The following KCNIP1 variants were observed in gnomAD, a reference collection of about 807,000 sequenced individuals.
KCNIP1 encodes A-type potassium channel modulatory protein KCNIP1.
In KCNIP1, 18 loss-of-function variants were observed where a neutral mutation model predicts 33.0. That is an observed-to-expected ratio of 0.55 (90% CI 0.38 to 0.81). The LOEUF (loss-of-function observed/expected upper bound fraction) is 0.81, where lower values mean the gene tolerates loss of function less well. Ranked by LOEUF, KCNIP1 falls within the 30% of genes least tolerant of loss-of-function variation. KCNIP1 has a pLI of 0.00. For synonymous variants in KCNIP1, 93 were observed against 98.3 expected, an observed-to-expected ratio of 0.95 and a Z score of 0.32; for missense variants, 238 against 271.6, an observed-to-expected ratio of 0.88 and a Z score of 0.87.
chr5:170,618,440 AG>A (rs563635760), intron 1 of KCNIP1, among the ~76,000 whole-genome samples: 5 of 138,188 alleles, frequency 3.6e-5, no homozygotes, highest in Non-Finnish European at 7.8e-5. Context: ...GGAGGGGGAG[AG>A]GGAGGGAGAA....
chr5:170,506,984 A>G (rs920388414), intron 1 of KCNIP1, among the ~76,000 whole-genome samples: 3 of 152,270 alleles, frequency 2.0e-5, no homozygotes, highest in African/African-American at 7.2e-5. Flanking sequence ...GCTAGTGGTC[A>G]GGGAGCCTAT....
chr5:170,436,419 C>T (rs1483517976), intron 1 of KCNIP1, among the ~76,000 whole-genome samples: 7 of 152,198 alleles, frequency 4.6e-5, no homozygotes, highest in African/African-American at 1.7e-4. Flanking sequence ...CACTGGGTCA[C>T]AGGGCACAGC....
chr5:170,641,209 G>T (rs1386219949), intron 1 of KCNIP1, among the ~76,000 whole-genome samples: 1 of 152,094 alleles, frequency 6.6e-6, no homozygotes, highest in Non-Finnish European at 1.5e-5. Context: ...CATCACTCTG[G>T]GTCCTTGGGA....
chr5:170,441,896 G>C (rs992280504), intron 1 of KCNIP1, among the ~76,000 whole-genome samples: 1 of 143,568 alleles, frequency 7.0e-6, no homozygotes, highest in African/African-American at 2.6e-5. Context: ...AGCTTGCAGT[G>C]AGCCAAGATC....
exon 1 of KCNIP1, chr5:170,353,726 G>A (rs1763271392): frequency 7.5e-6 from 5 of 664,974 alleles, no homozygotes; most frequent in South Asian, 7.4e-5. Context: ...TCGCTGCAGA[G>A]GCAGCTGTGC....
At chr5:170,387,988 G>T (rs1233966372) in intron 1 of KCNIP1, among the ~76,000 whole-genome samples, 2 of 151,980 alleles carry the variant, frequency 1.3e-5, no homozygotes, top group Non-Finnish European at 2.9e-5. Context: ...CACCTGTGGG[G>T]GCTTCCTGTG....
At chr5:170,378,420 G>A (rs190556888) in intron 1 of KCNIP1, 54 of 368,634 alleles carry the variant, frequency 1.5e-4, no homozygotes, top group East Asian at 1.2e-3. Context: ...TGATGCAGCC[G>A]GAAACAGGTA....
chr5:170,638,941 C>T (rs1214828773), intron 1 of KCNIP1, among the ~76,000 whole-genome samples: 4 of 152,212 alleles, frequency 2.6e-5, no homozygotes, highest in African/African-American at 4.8e-5. Flanking sequence ...GGGGAGAGGC[C>T]GGTGTCTCCA....
At chr5:170,601,286 T>A (rs1000189235) in intron 1 of KCNIP1, among the ~76,000 whole-genome samples, 38 of 151,852 alleles carry the variant, frequency 2.5e-4, no homozygotes, top group Admixed American at 2.4e-3. Context: ...TTCAAGAAAA[T>A]GACATTTGGA....
At chr5:170,620,480 C>T (rs144465497) in intron 1 of KCNIP1, among the ~76,000 whole-genome samples, 1 of 152,312 alleles carries the variant, frequency 6.6e-6, no homozygotes, top group African/African-American at 2.4e-5. Context: ...GGGGCTGCTA[C>T]AGCCATTGTG....
At chr5:170,366,239 C>A (rs907834783) in intron 1 of KCNIP1, among the ~76,000 whole-genome samples, 9 of 152,314 alleles carry the variant, frequency 5.9e-5, no homozygotes, top group African/African-American at 2.2e-4. Context: ...CCACACTCTC[C>A]TACGGATGAA....
At chr5:170,652,906 C>A (rs539896702) in intron 1 of KCNIP1, among the ~76,000 whole-genome samples, 1 of 152,354 alleles carries the variant, frequency 6.6e-6, no homozygotes, top group African/African-American at 2.4e-5. Flanking sequence ...GTGCATACCC[C>A]CACCTTGCCC....
chr5:170,491,461 A>G (rs1210453408), intron 1 of KCNIP1, among the ~76,000 whole-genome samples: 3 of 152,054 alleles, frequency 2.0e-5, no homozygotes, highest in East Asian at 3.9e-4. Context: ...CCCCTCTAAC[A>G]GGATTCAAAT....
chr5:170,474,595 T>C (rs1756809637), intron 1 of KCNIP1, among the ~76,000 whole-genome samples: 1 of 152,178 alleles, frequency 6.6e-6, no homozygotes, highest in Non-Finnish European at 1.5e-5. Context: ...GCTTTACATG[T>C]GTTATTTCTG....
intron 1 of KCNIP1, among the ~76,000 whole-genome samples, chr5:170,567,124 C>T (rs1412599956): frequency 1.3e-5 from 2 of 152,192 alleles, no homozygotes; most frequent in Non-Finnish European, 2.9e-5. Context: ...GGCAGTGGTT[C>T]TTGGCATACA....
chr5:170,673,771 A>C lies in KCNIP1; in HGVS notation c.62-44987A>C, dbSNP rs564100947. Among the ~76,000 whole-genome samples, 416 of 152,190 alleles carry C rather than the reference A, an allele frequency of 2.7e-3. 3 individuals carry two copies. The highest frequency in any genetic ancestry group is 3.0e-3 in the Non-Finnish European group (203 of 68,006). On this transcript the variant is annotated intron_variant, in intron 1 of 7. Coordinates refer to ENST00000328939, the MANE Select transcript of KCNIP1 (RefSeq NM_014592.4). The stretch of plus-strand genomic sequence containing the variant: ...TCTATGTCACTCTCAACGCTTTATT[A>C]ATGTCCCTGTCACTCTATACCCTTG...
intron 1 of KCNIP1, among the ~76,000 whole-genome samples, chr5:170,535,033 C>G (rs969458096): frequency 2.0e-5 from 3 of 152,186 alleles, no homozygotes; most frequent in Admixed American, 1.3e-4. Flanking sequence ...CTGCTAAATC[C>G]TCCCCATGGC....
At position 170,384,865 on chromosome 5, in the gene KCNIP1, G is replaced by A. The variant is rs567678698; in HGVS notation, c.88+30901G>A. Among the ~76,000 whole-genome samples the A allele has an allele frequency of 3.1e-3, 470 of 152,354 alleles. 1 individual carries two copies. Among genetic ancestry groups the A allele is most frequent in the African/African-American group, 0.01 (430 of 41,574 alleles). The stretch of plus-strand genomic sequence containing the variant: ...AGAAAACCTCAAACATGAAATGTAT[G>A]TTCAGTGAGGCAAGGAGCTCCCCGT... On this transcript the variant is annotated intron_variant, in intron 1 of 7. Transcript: ENST00000377360.
At chr5:170,502,336 G>T (rs914598313), upstream of KCNIP1, among the ~76,000 whole-genome samples, 1 of 152,220 alleles carries the variant, frequency 6.6e-6, no homozygotes, top group Non-Finnish European at 1.5e-5. Context: ...CACAGGTGAA[G>T]AAAACTATTC....
Sources: gnomAD v4.1 joint callset for allele counts (sites outside exome capture counted in the v4.1 genomes callset) on GRCh38, gnomAD v4.1.1 for gene constraint, MANE v1.5 for transcripts, NCBI Gene and HGNC (gene_info 2026-07-23, HGNC 2026-07-21) for gene names.